CSMD1: variants seen among roughly 807,000 people sequenced by gnomAD.
CSMD1 encodes the protein CUB and Sushi multiple domains 1.
Under a neutral mutation model 417.5 loss-of-function variants are expected in CSMD1, and 213 were observed. The ratio of observed to expected loss-of-function variants is 0.51; its 90% CI spans 0.46 to 0.57. The LOEUF is 0.57. Ranked by LOEUF, CSMD1 falls within the 20% of genes least tolerant of loss-of-function variation. The pLI is 0.00. For synonymous variants in CSMD1, 2,862 were observed against 1,736.8 expected (o/e 1.65, Z -16.11); for missense variants, 6,923 against 4,529.7 (o/e 1.53, Z -15.17).
At chr8:3,152,603 A>C (rs1391065966) in intron 39 of CSMD1, among the ~76,000 whole-genome samples, 1 of 152,224 alleles carries the variant, frequency 6.6e-6, no homozygotes, top group African/African-American at 2.4e-5. Context: ...GTGATTGCTC[A>C]AGCCAGGGCA....
intron 7 of CSMD1, among the ~76,000 whole-genome samples, chr8:3,642,022 C>A (rs938733492): frequency 1.3e-5 from 2 of 152,122 alleles, no homozygotes; most frequent in African/African-American, 2.4e-5. Context: ...TTCCCCCTCA[C>A]CACATCTGCA....
intron 50 of CSMD1, among the ~76,000 whole-genome samples, chr8:3,048,165 G>A (rs1473505395): frequency 6.6e-6 from 1 of 152,164 alleles, no homozygotes; most frequent in African/African-American, 2.4e-5. Flanking sequence ...AAGTACCCAT[G>A]TCAGTCAGGA....
At chr8:4,638,101 G>A (rs1324666938) in intron 1 of CSMD1, among the ~76,000 whole-genome samples, 1 of 152,176 alleles carries the variant, frequency 6.6e-6, no homozygotes, top group Non-Finnish European at 1.5e-5. Context: ...ACTAATATTA[G>A]AAGTTTAGGG....
At chr8:4,757,646 A>C (rs542416090) in intron 1 of CSMD1, among the ~76,000 whole-genome samples, 2 of 152,266 alleles carry the variant, frequency 1.3e-5, no homozygotes, top group Admixed American at 6.5e-5. Context: ...TATGAATAAC[A>C]CATCATAATT....
At chr8:4,180,672 C>T (rs189537831) in intron 3 of CSMD1, among the ~76,000 whole-genome samples, 56 of 152,124 alleles carry the variant, frequency 3.7e-4, no homozygotes, top group African/African-American at 1.3e-3. Flanking sequence ...CAGCACTGGC[C>T]ATATGAAAGG....
At chr8:4,159,392 G>A (rs1028515285) in intron 3 of CSMD1, among the ~76,000 whole-genome samples, 1 of 152,088 alleles carries the variant, frequency 6.6e-6, no homozygotes, top group Non-Finnish European at 1.5e-5. Context: ...GATATCTACC[G>A]AGGGGAAAAG....
intron 7 of CSMD1, among the ~76,000 whole-genome samples, chr8:3,706,980 C>T (rs1238926880): frequency 6.6e-6 from 1 of 151,844 alleles, no homozygotes; most frequent in East Asian, 1.9e-4. Flanking sequence ...GCCATGCAAA[C>T]ATTTACAGAT....
intron 3 of CSMD1, among the ~76,000 whole-genome samples, chr8:4,168,747 C>T (rs1206516106): frequency 6.6e-6 from 1 of 152,156 alleles, no homozygotes; most frequent in African/African-American, 2.4e-5. Flanking sequence ...ATTGGCTATT[C>T]AAGTTAGGCT....
intron 7 of CSMD1, among the ~76,000 whole-genome samples, chr8:3,626,802 T>C (rs1233914718): frequency 1.3e-5 from 2 of 149,978 alleles, no homozygotes; most frequent in African/African-American, 4.9e-5. Context: ...ACTTTAATAC[T>C]ATGTATACTA....
chr8:3,279,308 C>T (rs995682231), intron 26 of CSMD1: 2 of 152,240 alleles, frequency 1.3e-5, no homozygotes, highest in Non-Finnish European at 2.9e-5. Flanking sequence ...CCAGCAACTC[C>T]CTGGCCATCC....
chr8:2,974,703 C>T (rs1804771659), intron 55 of CSMD1, 79 bp from the exon 56 acceptor site: 4 of 982,916 alleles, frequency 4.1e-6, no homozygotes, highest in South Asian at 2.3e-5. Context: ...CATACAGACA[C>T]CCATACTGAC....
In CSMD1 at chr8:4,426,243, A is replaced by G. The variant is rs565389118; in HGVS notation, c.303-6178T>C. 4.1e-3 allele frequency among the ~76,000 whole-genome samples: 620 copies of G among 152,018 alleles called. 5 individuals are homozygous for G. Among genetic ancestry groups the G allele is most frequent in the African/African-American group, 0.015 (608 of 41,542 alleles). ...AGTTACCGGACAAGTTTTCCAGTAA[A>G]ATAACTTATTTTTTATAAGTTATTC... On this transcript the variant is annotated intron_variant, in intron 2 of 69. Transcript: ENST00000635120.
At chr8:4,473,594 A>T (rs1352421253) in intron 2 of CSMD1, among the ~76,000 whole-genome samples, 2 of 152,206 alleles carry the variant, frequency 1.3e-5, no homozygotes, top group Non-Finnish European at 2.9e-5. Context: ...AAATACGGAC[A>T]AGATGACATT....
At chr8:4,530,402 T>G (rs903909644) in intron 2 of CSMD1, among the ~76,000 whole-genome samples, 1 of 143,066 alleles carries the variant, frequency 7.0e-6, no homozygotes, top group Non-Finnish European at 1.5e-5. Context: ...AGGAATACAT[T>G]TGCCATGGTG....
At chr8:4,783,636 C>T (rs1016029595) in intron 1 of CSMD1, among the ~76,000 whole-genome samples, 2 of 152,344 alleles carry the variant, frequency 1.3e-5, no homozygotes, top group African/African-American at 2.4e-5. Flanking sequence ...TGGCCTCCTG[C>T]TCCAGGGAGC....
At chr8:4,657,171 G>C (rs189553956) in intron 1 of CSMD1, among the ~76,000 whole-genome samples, 30 of 152,210 alleles carry the variant, frequency 2.0e-4, no homozygotes, top group Admixed American at 3.3e-4. Flanking sequence ...CATATGCCCA[G>C]GGCAGAATAC....
chr8:3,216,606 T>C (rs1026274075), intron 29 of CSMD1, among the ~76,000 whole-genome samples: 4 of 152,246 alleles, frequency 2.6e-5, no homozygotes, highest in African/African-American at 4.8e-5. Context: ...ATCTAATCTT[T>C]TAGTTCCATT....
chr8:4,114,337 G>T (rs543831632), intron 3 of CSMD1, among the ~76,000 whole-genome samples: 7 of 152,306 alleles, frequency 4.6e-5, no homozygotes, highest in East Asian at 1.9e-4. Flanking sequence ...TCTGTTTACA[G>T]CACGGTTAAT....
At chr8:3,345,564 C>A (rs542161950) in intron 22 of CSMD1, among the ~76,000 whole-genome samples, 2 of 152,280 alleles carry the variant, frequency 1.3e-5, no homozygotes, top group African/African-American at 4.8e-5. Flanking sequence ...ACAGGCTACA[C>A]CTGTTCTGTA....
Sources: allele counts gnomAD v4.1 joint callset (sites outside exome capture counted in the v4.1 genomes callset), GRCh38; gene constraint gnomAD v4.1.1; transcripts MANE v1.5; gene names NCBI Gene and HGNC (gene_info 2026-07-23, HGNC 2026-07-21).